The following EXD1 variants were observed in gnomAD, a reference collection of about 807,000 sequenced individuals.
EXD1 encodes the protein piRNA biogenesis protein EXD1.
EXD1 carries 63 observed loss-of-function variants against 49.1 expected under a neutral mutation model. That is an observed-to-expected ratio of 1.28 (90% CI 1.05 to 1.58). The LOEUF (loss-of-function observed/expected upper bound fraction) is 1.58, where lower values mean the gene tolerates loss of function less well. EXD1 is among the 40% of genes most tolerant of loss of function. The pLI is 0.00. For missense variants in EXD1, 748 were observed against 666.0 expected, an observed-to-expected ratio of 1.12 and a Z score of -1.36; for synonymous variants, 234 against 239.2, an observed-to-expected ratio of 0.98 and a Z score of 0.20.
intron 10 of EXD1, 140 bp downstream of exon 10, chr15:41,191,302 C>T: frequency 1.4e-6 from 1 of 720,550 alleles, no homozygotes; most frequent in Non-Finnish European, 2.2e-6. Flanking sequence ...ATAAACCATT[C>T]CCATTTGGTA....
chr15:41,190,241 G>T, intron 10 of EXD1, 113 bp from the exon 11 acceptor site: 6 of 1,079,318 alleles, frequency 5.6e-6, no homozygotes, highest in Non-Finnish European at 8.3e-6. Context: ...CTGGGAGGCT[G>T]AGGCAGGCGG....
chr15:41,204,488 C>T (rs1019901465), intron 7 of EXD1, among the ~76,000 whole-genome samples: 45 of 151,502 alleles, frequency 3.0e-4, no homozygotes, highest in African/African-American at 1.1e-3. Flanking sequence ...GAGATGGAGG[C>T]TGCAGTGAGC....
intron 7 of EXD1, among the ~76,000 whole-genome samples, chr15:41,202,423 C>T (rs914695232): frequency 1.1e-4 from 17 of 152,034 alleles, no homozygotes; most frequent in African/African-American, 3.9e-4. Flanking sequence ...GTGATCTACC[C>T]GCCTCAGCCT....
intron 9 of EXD1, among the ~76,000 whole-genome samples, chr15:41,193,517 C>A (rs962009432): frequency 2.0e-5 from 3 of 152,034 alleles, no homozygotes; most frequent in Admixed American, 6.6e-5. Flanking sequence ...GGCTAGAAGA[C>A]TGTTTGAGGT....
At position 41,216,710 on chromosome 15, in the gene EXD1, G is replaced by A. The variant is rs764879151; in HGVS notation, c.346C>T (p.Pro116Ser). 1.9e-6 allele frequency: 3 copies of A among 1,613,606 alleles called. No individual in the cohort carries two copies. Among genetic ancestry groups the A allele is most frequent in the Admixed American group, 1.7e-5 (1 of 60,002 alleles). ...AGGTCATTCAGCAGAGAGGTAGCTG[G>A]TGCTTCAGGGGCAGGAGAAGCAGGC... The part of the protein sequence containing the change: ...CEPASPAPEA[P>S]ATSLLNDLKY... The change falls in exon 5 of 12, where the codon CCA (proline) becomes TCA (serine). Residue 116 changes from proline to serine, a missense_variant. Transcript: ENST00000458580.
intron 7 of EXD1, among the ~76,000 whole-genome samples, chr15:41,198,749 A>G (rs1296151092): frequency 6.6e-6 from 1 of 151,634 alleles, no homozygotes; most frequent in East Asian, 1.9e-4. Flanking sequence ...CTTGTTGCCC[A>G]GGCTGCAGTG....
intron 6 of EXD1, among the ~76,000 whole-genome samples, chr15:41,212,856 T>A (rs2046941636): frequency 6.6e-6 from 1 of 151,986 alleles, no homozygotes; most frequent in Non-Finnish European, 1.5e-5. Flanking sequence ...TTAGGCAACA[T>A]AACGAGACGT....
chr15:41,190,652 GA>G (rs1174020705), intron 10 of EXD1, among the ~76,000 whole-genome samples: 3 of 152,184 alleles, frequency 2.0e-5, no homozygotes, highest in Non-Finnish European at 4.4e-5. Context: ...CAGAGAAAGA[GA>G]GGGGTAGAGG....
chr15:41,226,412 AG>A (rs759554880), intron 2 of EXD1, 30 bp downstream of exon 2: 3 of 1,533,230 alleles, frequency 2.0e-6, no homozygotes, highest in Non-Finnish European at 2.6e-6. Flanking sequence ...ATCTCTTAAA[AG>A]GCAGAACATT....
At chr15:41,227,797 C>T (rs1294295849) in intron 1 of EXD1, among the ~76,000 whole-genome samples, 4 of 152,030 alleles carry the variant, frequency 2.6e-5, no homozygotes, top group Non-Finnish European at 5.9e-5. Context: ...TGCCAGTAAT[C>T]CTAGCACTTT....
chr15:41,214,040 G>A (rs923879017), intron 6 of EXD1, among the ~76,000 whole-genome samples: 6 of 152,024 alleles, frequency 3.9e-5, no homozygotes, highest in African/African-American at 9.7e-5. Context: ...AGTGGCAGGC[G>A]CCTGTAGTCC....
intron 7 of EXD1, among the ~76,000 whole-genome samples, chr15:41,202,165 TA>T (rs67904685): frequency 0.055 from 7,877 of 143,740 alleles, 570 homozygotes; most frequent in African/African-American, 0.16. Context: ...TATATATATA[TA>T]TTTTTTTTAA....
chr15:41,192,594 ATTTTTT>A (rs59054803), intron 9 of EXD1, among the ~76,000 whole-genome samples: 15 of 40,874 alleles, frequency 3.7e-4, no homozygotes, highest in African/African-American at 1.1e-3. Flanking sequence ...TGCGCCAGGC[ATTTTTT>A]TTTTTTTTTT....
rs764744329 is a variant in EXD1 at position 41,206,618 on chromosome 15, C to CTTTT, written c.534+2879_534+2882dup. 7.3e-4 allele frequency among the ~76,000 whole-genome samples: 74 copies of CTTTT among 101,178 alleles called. 1 individual carries two copies. The highest frequency in any genetic ancestry group is 1.2e-3 in the East Asian group (4 of 3,302). The allele number at this position is 101,178 out of a possible 152,430, so 66.4% of individuals were successfully genotyped here. ...AATATAACAATCCTGTTATTCAATT[C>CTTTT]TTTTTTTTTTTTTTTTTTTTTGAGA... On this transcript the variant is annotated intron_variant, in intron 7 of 11. Coordinates refer to ENST00000458580, the MANE Select transcript of EXD1 (RefSeq NM_001286441.2).
chr15:41,190,157 AC>A (rs1204636215), intron 10 of EXD1, 29 bp from the exon 11 acceptor site: 1 of 1,610,478 alleles, frequency 6.2e-7, no homozygotes, highest in Non-Finnish European at 8.5e-7. Flanking sequence ...TTTCCTCTGA[AC>A]AGTAAGCAAG....
intron 11 of EXD1, among the ~76,000 whole-genome samples, chr15:41,185,976 C>T (rs1178908330): frequency 6.6e-6 from 1 of 152,026 alleles, no homozygotes; most frequent in East Asian, 1.9e-4. Flanking sequence ...AGTCATAATT[C>T]TGATTCCTTT....
intron 1 of EXD1, among the ~76,000 whole-genome samples, chr15:41,227,323 T>C (rs905341859): frequency 3.3e-5 from 5 of 152,238 alleles, no homozygotes; most frequent in African/African-American, 1.2e-4. Flanking sequence ...CATTTCTGTG[T>C]ATTTTTTTAT....
chr15:41,220,470 G>A (rs757118315), intron 2 of EXD1, among the ~76,000 whole-genome samples: 3 of 152,120 alleles, frequency 2.0e-5, no homozygotes, highest in Non-Finnish European at 4.4e-5. Context: ...GTGTTAGCCA[G>A]GATTGGCTCG....
At position 41,216,785 on chromosome 15, in the gene EXD1, C is replaced by T. The variant is rs376736179; in HGVS notation, c.271G>A (p.Glu91Lys). ...TTCATTTTCTCCATCCAGGTTCTTT[C>T]TGCATGTAGACTATCCTTACAAGAA... ...AKASSVSLHAERTWMEKMKVE... is the reference protein window; with the variant it reads ...AKASSVSLHAKRTWMEKMKVE... Residue 91 changes from glutamate to lysine, a missense_variant, in exon 5 of 12, where the codon GAA becomes AAA. Transcript: ENST00000458580. The T allele has an allele frequency of 5.0e-6, 8 of 1,613,534 alleles. No homozygotes were observed. The highest frequency in any genetic ancestry group is 6.8e-6 in the Non-Finnish European group (8 of 1,180,012).
Sources: gnomAD v4.1 joint callset for allele counts (sites outside exome capture counted in the v4.1 genomes callset) on GRCh38, gnomAD v4.1.1 for gene constraint, MANE v1.5 for transcripts, NCBI Gene and HGNC (gene_info 2026-07-23, HGNC 2026-07-21) for gene names.